Variants in SPOP observed in about 807,000 individuals in gnomAD.
The protein encoded by SPOP is speckle-type POZ protein.
Under a neutral mutation model 45.6 loss-of-function variants are expected in SPOP, and 11 were observed. That is an observed-to-expected ratio of 0.24 (90% confidence interval 0.15 to 0.40). The LOEUF (loss-of-function observed/expected upper bound fraction) is 0.40, where lower values mean the gene tolerates loss of function less well. SPOP is among the 10% of genes least tolerant of loss of function. The pLI, the probability that SPOP is intolerant of heterozygous loss-of-function variation, is 1.00. For missense variants in SPOP, 152 were observed against 465.6 expected (o/e 0.33, Z 6.20); for synonymous variants, 166 against 166.3 (o/e 1.00, Z 0.01).
chr17:49,657,779 C>A (rs1021529574), intron 1 of SPOP, among the ~76,000 whole-genome samples: 1 of 145,690 alleles, frequency 6.9e-6, no homozygotes, highest in African/African-American at 2.5e-5. Flanking sequence ...CGGCTCACTG[C>A]AACTTCCACC....
At chr17:49,647,665 G>C (rs965147472) in intron 1 of SPOP, among the ~76,000 whole-genome samples, 1 of 152,072 alleles carries the variant, frequency 6.6e-6, no homozygotes, top group Admixed American at 6.6e-5. Flanking sequence ...ATTTTTAGCA[G>C]AGACGGGGTT....
intron 1 of SPOP, among the ~76,000 whole-genome samples, chr17:49,660,027 C>G (rs2072966197): frequency 6.6e-6 from 1 of 152,256 alleles, no homozygotes; most frequent in Non-Finnish European, 1.5e-5. Context: ...TCTTCTGCCA[C>G]TAAGTCCCAC....
chr17:49,657,459 C>G (rs566620790), intron 1 of SPOP, among the ~76,000 whole-genome samples: 1 of 151,928 alleles, frequency 6.6e-6, no homozygotes, highest in Admixed American at 6.6e-5. Context: ...AGTACAATGG[C>G]GTGATCTCGG....
At chr17:49,605,870 C>T (rs550840045) in intron 8 of SPOP, among the ~76,000 whole-genome samples, 108 of 151,166 alleles carry the variant, frequency 7.1e-4, no homozygotes, top group African/African-American at 2.3e-3. Context: ...CGCCTGTAAT[C>T]CCAGCTATTC....
intron 1 of SPOP, among the ~76,000 whole-genome samples, chr17:49,644,901 G>T (rs560955660): frequency 3.5e-4 from 54 of 152,182 alleles, no homozygotes; most frequent in Non-Finnish European, 7.1e-4. Flanking sequence ...GTCTCTGGTA[G>T]TGAAGGATGG....
intron 1 of SPOP, among the ~76,000 whole-genome samples, chr17:49,651,478 T>A (rs1170910937): frequency 1.3e-5 from 2 of 152,184 alleles, no homozygotes; most frequent in African/African-American, 4.8e-5. Context: ...CAAAGATAAA[T>A]TTGCAACTCT....
chr17:49,602,120 T>C (rs1465396925), intron 8 of SPOP, 113 bp from the exon 9 acceptor site: 2 of 1,191,408 alleles, frequency 1.7e-6, no homozygotes, highest in Non-Finnish European at 2.3e-6. Context: ...TGAATAGAAC[T>C]GCACAGACCA....
chr17:49,621,204 T>C (rs905468021), intron 3 of SPOP, among the ~76,000 whole-genome samples: 1 of 152,178 alleles, frequency 6.6e-6, no homozygotes. Context: ...CGTAAAACAA[T>C]TGGTGCATGT....
intron 1 of SPOP, among the ~76,000 whole-genome samples, chr17:49,650,571 C>G (rs1223952259): frequency 2.0e-5 from 3 of 152,080 alleles, no homozygotes; most frequent in Non-Finnish European, 4.4e-5. Context: ...CAGAGCAAGA[C>G]TCCGTTTCAA....
At chr17:49,674,382 TACTC>T (rs2073174404) in intron 1 of SPOP, among the ~76,000 whole-genome samples, 1 of 152,222 alleles carries the variant, frequency 6.6e-6, no homozygotes, top group African/African-American at 2.4e-5. Context: ...TCAATCTCGT[TACTC>T]ACTATTATTG....
At chr17:49,602,765 G>A (rs1451795747) in intron 8 of SPOP, among the ~76,000 whole-genome samples, 3 of 152,004 alleles carry the variant, frequency 2.0e-5, no homozygotes, top group African/African-American at 7.3e-5. Context: ...TGCAGTTTCA[G>A]TTTAAAAACT....
intron 1 of SPOP, among the ~76,000 whole-genome samples, chr17:49,635,043 G>A (rs185232997): frequency 1.3e-5 from 2 of 152,146 alleles, no homozygotes; most frequent in Non-Finnish European, 1.5e-5. Flanking sequence ...GGAGGTATAT[G>A]TATGTTTTTA....
At chr17:49,636,920 T>A (rs543640299) in intron 1 of SPOP, 1 of 152,142 alleles carries the variant, frequency 6.6e-6, no homozygotes, top group African/African-American at 2.4e-5. Context: ...AAGCAGGTGA[T>A]ATATGAAAGA....
chr17:49,668,327 G>A (rs1261675381), intron 1 of SPOP, among the ~76,000 whole-genome samples: 3 of 152,062 alleles, frequency 2.0e-5, no homozygotes, highest in African/African-American at 4.8e-5. Flanking sequence ...TGGATAAACC[G>A]TGGTACAGCA....
intron 8 of SPOP, among the ~76,000 whole-genome samples, chr17:49,602,752 A>G (rs1012716895): frequency 2.0e-5 from 3 of 152,234 alleles, no homozygotes; most frequent in African/African-American, 7.2e-5. Flanking sequence ...CAGAGAGCCT[A>G]AATGCAGTTT....
chr17:49,609,088 T>C (rs752867256), intron 6 of SPOP, among the ~76,000 whole-genome samples: 1 of 152,126 alleles, frequency 6.6e-6, no homozygotes, highest in Non-Finnish European at 1.5e-5. Context: ...TTTGTATTTT[T>C]AGTAGAGATG....
At chr17:49,618,764 C>A (rs372370454) in intron 5 of SPOP, among the ~76,000 whole-genome samples, 1 of 152,324 alleles carries the variant, frequency 6.6e-6, no homozygotes, top group East Asian at 1.9e-4. Flanking sequence ...AGCATACATA[C>A]AACCTTTGTT....
chr17:49,667,549 A>G (rs2073079175), intron 1 of SPOP, among the ~76,000 whole-genome samples: 1 of 152,194 alleles, frequency 6.6e-6, no homozygotes, highest in Admixed American at 6.5e-5. Context: ...AGATCGCACC[A>G]CTGCCTACCA....
chr17:49,659,075 C>T (rs551469309), intron 1 of SPOP, among the ~76,000 whole-genome samples: 108 of 152,276 alleles, frequency 7.1e-4, no homozygotes, highest in Admixed American at 7.8e-4. Flanking sequence ...AGCTTGAACA[C>T]GGTCATCAAA....
Sources: gnomAD v4.1 joint callset for allele counts (sites outside exome capture counted in the v4.1 genomes callset) on GRCh38, gnomAD v4.1.1 for gene constraint, MANE v1.5 for transcripts, NCBI Gene and HGNC (gene_info 2026-07-23, HGNC 2026-07-21) for gene names.